Variants in BMPR1A observed in about 807,000 individuals in gnomAD.
BMPR1A encodes bone morphogenetic protein receptor type-1A.
Under a neutral mutation model 66.0 loss-of-function variants are expected in BMPR1A, and 7 were observed. The ratio of observed to expected loss-of-function variants is 0.11; its 90% CI spans 0.06 to 0.20. The LOEUF (loss-of-function observed/expected upper bound fraction) is 0.20. Among genes scored for constraint, BMPR1A ranks in the 10% least tolerant of loss-of-function variants. BMPR1A has a pLI of 1.00. For synonymous variants in BMPR1A, 200 were observed against 229.7 expected (o/e 0.87, Z 1.17); for missense variants, 408 against 669.1 (o/e 0.61, Z 4.31).
At position 86,925,766 on chromosome 10, in the gene BMPR1A, G is replaced by GCCGGA; in HGVS notation, c.*2048_*2049insCGGAC. Reference sequence around the variant, plus strand: ...GACGGAGTCTCGCTCTGTCGCCCAGGCTGGACTGCGGACTGCAGTGGCGCA... The same window carrying GCCGGA: ...GACGGAGTCTCGCTCTGTCGCCCAGGCCGGACTGGACTGCGGACTGCAGTGGCGCA... On this transcript the variant is annotated 3_prime_UTR_variant, in exon 13 of 13. Coordinates refer to ENST00000372037, the MANE Select transcript of BMPR1A (RefSeq NM_004329.3). 7.5e-6 allele frequency: 1 copy of GCCGGA among 133,960 alleles called. No individual in the cohort carries two copies. Among genetic ancestry groups the GCCGGA allele is most frequent in the African/African-American group, 3.4e-5 (1 of 29,510 alleles). 8.3% of individuals were successfully genotyped at this position (133,960 alleles called of 1,614,324 possible).
intron 1 of BMPR1A, among the ~76,000 whole-genome samples, chr10:86,803,917 G>A (rs1470840017): frequency 2.6e-5 from 4 of 152,098 alleles, no homozygotes; most frequent in South Asian, 2.1e-4. Context: ...ATAAATTCGC[G>A]TTTCATCTTT....
intron 7 of BMPR1A, 148 bp downstream of exon 7, chr10:86,900,274 A>G: frequency 1.3e-6 from 1 of 742,168 alleles, no homozygotes; most frequent in East Asian, 2.7e-5. Flanking sequence ...TCTTAAGGGA[A>G]AAGGACCTTA....
At chr10:86,771,482 C>G (rs1841260814) in intron 1 of BMPR1A, among the ~76,000 whole-genome samples, 1 of 152,112 alleles carries the variant, frequency 6.6e-6, no homozygotes, top group African/African-American at 2.4e-5. Flanking sequence ...TATCAGTTCC[C>G]TTTTACATGA....
chr10:86,858,965 A>G (rs975327605), intron 2 of BMPR1A, among the ~76,000 whole-genome samples: 1 of 152,240 alleles, frequency 6.6e-6, no homozygotes, highest in Admixed American at 6.5e-5. Context: ...CAAATGCCAA[A>G]GCGGTTCTGA....
At chr10:86,863,906 G>A (rs773106495) in intron 2 of BMPR1A, among the ~76,000 whole-genome samples, 8 of 152,160 alleles carry the variant, frequency 5.3e-5, no homozygotes, top group Non-Finnish European at 7.4e-5. Context: ...CTTTTGCATT[G>A]TACAAGCACC....
At chr10:86,920,366 TGTCA>T (rs1416187158) in intron 10 of BMPR1A, among the ~76,000 whole-genome samples, 5 of 152,212 alleles carry the variant, frequency 3.3e-5, no homozygotes, top group African/African-American at 7.2e-5. Context: ...CACTTGATAG[TGTCA>T]GTATTTTAAA....
intron 3 of BMPR1A, 98 bp downstream of exon 3, chr10:86,876,183 C>A: frequency 8.5e-7 from 1 of 1,177,076 alleles, no homozygotes; most frequent in South Asian, 1.2e-5. Flanking sequence ...ATAGTTAGGC[C>A]CAGCCTACTA....
chr10:86,899,966 ATT>A, intron 6 of BMPR1A, 59 bp from the exon 7 acceptor site: 1 of 1,611,188 alleles, frequency 6.2e-7, no homozygotes. Context: ...GCTACCTAGA[ATT>A]GAACACGTCA....
intron 5 of BMPR1A, among the ~76,000 whole-genome samples, chr10:86,892,862 CAAAA>C (rs575847316): frequency 2.1e-5 from 2 of 94,034 alleles, no homozygotes; most frequent in Non-Finnish European, 2.3e-5. Flanking sequence ...GACCCTGTCT[CAAAA>C]AAAAAAAAAA....
intron 1 of BMPR1A, among the ~76,000 whole-genome samples, chr10:86,766,414 G>T (rs1169895688): frequency 6.6e-6 from 1 of 151,768 alleles, no homozygotes; most frequent in Non-Finnish European, 1.5e-5. Context: ...CTTTTGCATT[G>T]CAAATATGCT....
intron 2 of BMPR1A, among the ~76,000 whole-genome samples, chr10:86,840,811 T>C (rs1393076256): frequency 6.6e-6 from 1 of 152,192 alleles, no homozygotes; most frequent in East Asian, 1.9e-4. Context: ...CTTCCTACCC[T>C]TAGGCACAAG....
intron 7 of BMPR1A, among the ~76,000 whole-genome samples, chr10:86,906,762 A>AAAAAAAAAAAAC (rs1564720215): frequency 7.0e-6 from 1 of 143,468 alleles, no homozygotes; most frequent in Non-Finnish European, 1.5e-5. Context: ...AAAAAAAAAA[A>AAAAAAAAAAAAC]CACTTTGTCC....
At chr10:86,757,437 C>G (rs949955881) in intron 1 of BMPR1A, among the ~76,000 whole-genome samples, 1 of 152,192 alleles carries the variant, frequency 6.6e-6, no homozygotes, top group Non-Finnish European at 1.5e-5. Flanking sequence ...TGCGCGGCCT[C>G]CGCTCCGTGG....
intron 3 of BMPR1A, among the ~76,000 whole-genome samples, chr10:86,876,740 C>T (rs766490122): frequency 6.6e-6 from 1 of 152,202 alleles, no homozygotes; most frequent in East Asian, 1.9e-4. Context: ...CCAATGCACT[C>T]TAGCCTGGGC....
At chr10:86,854,209 AG>A (rs1425058542) in intron 2 of BMPR1A, among the ~76,000 whole-genome samples, 2 of 152,240 alleles carry the variant, frequency 1.3e-5, no homozygotes, top group Non-Finnish European at 2.9e-5. Flanking sequence ...ACCGGCGGTC[AG>A]AGTTTAAGGT....
At position 86,797,247 on chromosome 10, in the gene BMPR1A, T is replaced by TTTTTTTTTG. The variant is rs1372738374; in HGVS notation, c.-268+40329_-268+40330insTTTTTTTGT. On this transcript the variant is annotated intron_variant, in intron 1 of 12. Coordinates refer to ENST00000372037, the MANE Select transcript of BMPR1A (RefSeq NM_004329.3). ...GCCCGGCTAATTTTTTTTTTTTTTTTTGAGACGGAGTCTTGCTCTGTTGTC... is the reference window on the plus strand; with the variant it reads ...GCCCGGCTAATTTTTTTTTTTTTTTTTTTTTTTTGTGAGACGGAGTCTTGCTCTGTTGTC... Among the ~76,000 whole-genome samples, 13 of 124,958 alleles carry TTTTTTTTTG rather than the reference T, an allele frequency of 1.0e-4. 1 individual carries two copies. The highest frequency in any genetic ancestry group is 6.0e-4 in the East Asian group (2 of 3,342). 82.0% of individuals were successfully genotyped at this position (124,958 alleles called of 152,430 possible). A position where few individuals can be genotyped will look rare whatever the true frequency, so the allele number is the denominator to read the frequency against.
At chr10:86,787,229 C>T (rs751962319) in intron 1 of BMPR1A, among the ~76,000 whole-genome samples, 41 of 152,088 alleles carry the variant, frequency 2.7e-4, no homozygotes, top group Non-Finnish European at 5.0e-4. Context: ...TTAAATTTAG[C>T]ATTTAATAGA....
At chr10:86,793,307 A>C (rs1308032898) in intron 1 of BMPR1A, among the ~76,000 whole-genome samples, 1 of 151,322 alleles carries the variant, frequency 6.6e-6, no homozygotes, top group Non-Finnish European at 1.5e-5. Context: ...GGGTACCTGT[A>C]TTTTTATTTC....
chr10:86,885,124 A>G (rs555829277), intron 3 of BMPR1A, among the ~76,000 whole-genome samples: 1 of 152,220 alleles, frequency 6.6e-6, no homozygotes, highest in Non-Finnish European at 1.5e-5. Flanking sequence ...GGAAATTTCT[A>G]TATCAGTAAT....
Sources: allele counts gnomAD v4.1 joint callset (sites outside exome capture counted in the v4.1 genomes callset), GRCh38; gene constraint gnomAD v4.1.1; transcripts MANE v1.5; gene names NCBI Gene and HGNC (gene_info 2026-07-23, HGNC 2026-07-21).